RGS6: variants seen among roughly 807,000 people sequenced by gnomAD.
The protein encoded by RGS6 is regulator of G protein signaling 6.
RGS6 carries 30 observed loss-of-function variants against 78.5 expected under a neutral mutation model. The observed-to-expected ratio is 0.38, with a 90% CI of 0.29 to 0.52. RGS6 has a LOEUF of 0.52. Among genes scored for constraint, RGS6 ranks in the 20% least tolerant of loss-of-function variants. The pLI is 0.85. For synonymous variants in RGS6, 206 were observed against 206.0 expected, an observed-to-expected ratio of 1.00 and a Z score of 0.00; for missense variants, 495 against 609.7, an observed-to-expected ratio of 0.81 and a Z score of 1.98.
intron 2 of RGS6, among the ~76,000 whole-genome samples, chr14:72,299,521 G>A (rs748963868): frequency 3.3e-5 from 5 of 152,182 alleles, no homozygotes; most frequent in African/African-American, 9.7e-5. Flanking sequence ...GGATCATAAC[G>A]TAACTCTATA....
chr14:72,145,151 G>A (rs2096591207), intron 2 of RGS6, among the ~76,000 whole-genome samples: 1 of 152,120 alleles, frequency 6.6e-6, no homozygotes, highest in African/African-American at 2.4e-5. Context: ...ACTGATGTTA[G>A]GTTTTACAAT....
intron 2 of RGS6, among the ~76,000 whole-genome samples, chr14:72,234,492 T>G (rs779408364): frequency 6.6e-6 from 1 of 152,180 alleles, no homozygotes; most frequent in Non-Finnish European, 1.5e-5. Context: ...CAAATTTATA[T>G]GAGGACATAA....
chr14:71,992,609 ATTTG>A (rs377416926), intron 2 of RGS6, among the ~76,000 whole-genome samples: 278 of 152,236 alleles, frequency 1.8e-3, no homozygotes, highest in South Asian at 6.4e-3. Context: ...CAAAATTTAA[ATTTG>A]TTTGATTTTT....
chr14:72,215,451 A>G (rs952626211), intron 2 of RGS6, among the ~76,000 whole-genome samples: 7 of 151,990 alleles, frequency 4.6e-5, no homozygotes, highest in African/African-American at 1.7e-4. Flanking sequence ...CAGCAAGGCC[A>G]TTTTTTTTAC....
intron 14 of RGS6, chr14:72,511,545 G>T (rs1372615683): frequency 6.6e-6 from 1 of 152,230 alleles, no homozygotes; most frequent in Non-Finnish European, 1.5e-5. Flanking sequence ...CTATAAATGA[G>T]TGTAAACTCT....
At chr14:71,882,540 A>G in the RGS6 span, among the ~76,000 whole-genome samples, 17 of 152,218 alleles carry the variant, frequency 1.1e-4, no homozygotes, top group African/African-American at 3.6e-4. Context: ...TGACCTTACA[A>G]TGAAGTGCTA....
the RGS6 span, among the ~76,000 whole-genome samples, chr14:72,587,851 A>G: frequency 5.3e-4 from 81 of 152,344 alleles, no homozygotes; most frequent in African/African-American, 1.9e-3. Flanking sequence ...GCTTGGCCAC[A>G]GAGAAAGATG....
intron 2 of RGS6, among the ~76,000 whole-genome samples, chr14:72,016,929 A>G (rs1185698737): frequency 2.0e-5 from 3 of 152,224 alleles, no homozygotes; most frequent in African/African-American, 7.2e-5. Flanking sequence ...ACTATGGTAT[A>G]GCTATGTTTA....
At chr14:71,929,424 G>A (rs2087769027), upstream of RGS6, among the ~76,000 whole-genome samples, 1 of 152,288 alleles carries the variant, frequency 6.6e-6, no homozygotes, top group East Asian at 1.9e-4. Flanking sequence ...TGCATAAGAA[G>A]TGACACTACA....
intron 2 of RGS6, among the ~76,000 whole-genome samples, chr14:72,229,320 A>G (rs1599945571): frequency 8.2e-6 from 1 of 122,014 alleles, no homozygotes; most frequent in Non-Finnish European, 1.6e-5. Context: ...ATGGCTCTCC[A>G]GACCAGGTCC....
At chr14:72,190,601 G>A (rs1045928493) in intron 2 of RGS6, among the ~76,000 whole-genome samples, 4 of 152,192 alleles carry the variant, frequency 2.6e-5, no homozygotes, top group Non-Finnish European at 5.9e-5. Context: ...CAGAGACAGG[G>A]CACCCTTATG....
At chr14:72,546,052 A>G (rs985066272) in intron 17 of RGS6, among the ~76,000 whole-genome samples, 4 of 152,178 alleles carry the variant, frequency 2.6e-5, no homozygotes, top group African/African-American at 9.7e-5. Flanking sequence ...TGGGAATCTC[A>G]GCACACTCTG....
At position 71,932,660 on chromosome 14, in the gene RGS6, C is replaced by G. The variant is rs368854471; in HGVS notation, c.-302C>G. The G allele has an allele frequency of 1.3e-5, 2 of 152,230 alleles. No homozygotes were observed. The highest frequency in any genetic ancestry group is 2.9e-5 in the Non-Finnish European group (2 of 68,056). The allele number at this position is 152,230 out of a possible 1,614,324, so 9.4% of individuals were successfully genotyped here. On this transcript the variant is annotated 5_prime_UTR_variant, in exon 1 of 18. Transcript: ENST00000553525. Reference sequence around the variant, plus strand: ...CGCGCCGGGGACACCCTGTGCGCCCCGAGTCCCGGCACCATGCGACCCGCC... The same window carrying G: ...CGCGCCGGGGACACCCTGTGCGCCCGGAGTCCCGGCACCATGCGACCCGCC...
intron 2 of RGS6, among the ~76,000 whole-genome samples, chr14:72,136,118 A>G (rs764732630): frequency 9.9e-5 from 15 of 152,242 alleles, no homozygotes; most frequent in Non-Finnish European, 1.9e-4. Flanking sequence ...CCTTGCCCTG[A>G]ATAACCTCAC....
At chr14:72,561,181 T>C (rs72726180) in intron 17 of RGS6, among the ~76,000 whole-genome samples, 76 of 152,294 alleles carry the variant, frequency 5.0e-4, no homozygotes, top group Non-Finnish European at 9.7e-4. Context: ...GATCAATTTT[T>C]TAAATTACAT....
intron 14 of RGS6, among the ~76,000 whole-genome samples, chr14:72,514,458 C>A (rs2096916013): frequency 6.6e-6 from 1 of 152,214 alleles, no homozygotes; most frequent in Admixed American, 6.5e-5. Flanking sequence ...TCCTTGAAAG[C>A]CTCTAGGGAG....
At chr14:72,279,502 A>G (rs1026841084) in intron 2 of RGS6, among the ~76,000 whole-genome samples, 1 of 152,202 alleles carries the variant, frequency 6.6e-6, no homozygotes, top group African/African-American at 2.4e-5. Context: ...TACTCTGCTC[A>G]GAAATATATA....
At chr14:72,180,911 C>T (rs1268731386) in intron 2 of RGS6, among the ~76,000 whole-genome samples, 6 of 152,218 alleles carry the variant, frequency 3.9e-5, no homozygotes, top group Non-Finnish European at 8.8e-5. Flanking sequence ...GACTTCCCAG[C>T]CTCCAGAACT....
intron 1 of RGS6, among the ~76,000 whole-genome samples, chr14:71,944,727 T>A (rs2091222192): frequency 1.3e-5 from 2 of 152,150 alleles, no homozygotes; most frequent in South Asian, 4.1e-4. Context: ...AGTTTTCAGA[T>A]GAAAGGTGTT....
Sources: gnomAD v4.1 joint callset for allele counts (sites outside exome capture counted in the v4.1 genomes callset) on GRCh38, gnomAD v4.1.1 for gene constraint, MANE v1.5 for transcripts, NCBI Gene and HGNC (gene_info 2026-07-23, HGNC 2026-07-21) for gene names.